The following NARS2 variants were observed in gnomAD, a reference collection of about 807,000 sequenced individuals.
NARS2 encodes the protein asparaginyl-tRNA synthetase 2, mitochondrial.
In NARS2, 60 loss-of-function variants were observed where a neutral mutation model predicts 62.9. The ratio of observed to expected loss-of-function variants is 0.95; its 90% CI spans 0.77 to 1.18. NARS2 has a LOEUF of 1.18. Ranked by LOEUF, NARS2 falls within the 50% of genes most tolerant of loss-of-function variation. The probability of loss-of-function intolerance (pLI) is 0.00; values close to 1 mark genes in which losing one functional copy is unlikely to be tolerated. For synonymous variants in NARS2, 196 were observed against 200.0 expected (o/e 0.98, Z 0.17); for missense variants, 619 against 576.4 (o/e 1.07, Z -0.76).
At chr11:78,548,986 C>T (rs923996252) in intron 5 of NARS2, among the ~76,000 whole-genome samples, 1 of 152,168 alleles carries the variant, frequency 6.6e-6, no homozygotes, top group Non-Finnish European at 1.5e-5. Context: ...CTCTACCCCC[C>T]AATTAGAGCC....
chr11:78,443,833 C>CT (rs1857658178), intron 11 of NARS2, 75 bp from the exon 12 acceptor site: 2 of 1,129,180 alleles, frequency 1.8e-6, no homozygotes, highest in Admixed American at 2.0e-5. Context: ...GCAAGTAAAC[C>CT]TTTAACATTT....
At chr11:78,483,988 T>C (rs1311326610) in intron 7 of NARS2, among the ~76,000 whole-genome samples, 1 of 152,160 alleles carries the variant, frequency 6.6e-6, no homozygotes, top group Non-Finnish European at 1.5e-5. Flanking sequence ...GATTTCAAAC[T>C]ATACTACAAG....
intron 4 of NARS2, among the ~76,000 whole-genome samples, chr11:78,564,959 C>T (rs1856694349): frequency 6.6e-6 from 1 of 152,148 alleles, no homozygotes; most frequent in Non-Finnish European, 1.5e-5. Flanking sequence ...GGATACAGCC[C>T]AAGGGAAGTC....
chr11:78,452,772 A>G (rs575263866), intron 11 of NARS2, among the ~76,000 whole-genome samples: 3 of 152,272 alleles, frequency 2.0e-5, no homozygotes, highest in Non-Finnish European at 4.4e-5. Flanking sequence ...CAGCCTTCCT[A>G]TATTACTCTT....
At chr11:78,528,012 A>G (rs1409512022) in intron 6 of NARS2, among the ~76,000 whole-genome samples, 1 of 152,270 alleles carries the variant, frequency 6.6e-6, no homozygotes, top group Non-Finnish European at 1.5e-5. Flanking sequence ...TGGGAGGCCT[A>G]AGGCAGGAAG....
chr11:78,558,841 T>G (rs1161374221), intron 5 of NARS2, among the ~76,000 whole-genome samples: 2 of 152,232 alleles, frequency 1.3e-5, no homozygotes, highest in Non-Finnish European at 2.9e-5. Flanking sequence ...TATTCACATG[T>G]ATACTCTTCT....
Position 78,528,926 on chromosome 11 carries a change from T to C in NARS2, c.605A>G (p.Lys202Arg), listed in dbSNP as rs1339831241. The change falls in exon 6 of 14, where the codon AAA (lysine) becomes AGA (arginine). Residue 202 changes from lysine to arginine, a missense_variant. Coordinates refer to ENST00000281038, the MANE Select transcript of NARS2 (RefSeq NM_024678.6). ...GAAATTCTCCTCAGGTACCTTAAGT[T>C]TGCCTGAAGGCTGCAAATCAAAAAC... is the stretch of plus-strand genomic sequence containing the variant. ...GELFQLEPSGKLKVPEENFFN... is the reference protein window; with the variant it reads ...GELFQLEPSGRLKVPEENFFN... The C allele has an allele frequency of 1.2e-6, 2 of 1,609,904 alleles. No individual in the cohort carries two copies. Among genetic ancestry groups the C allele is most frequent in the Non-Finnish European group, 1.7e-6 (2 of 1,177,122 alleles).
intron 7 of NARS2, among the ~76,000 whole-genome samples, chr11:78,490,205 G>A (rs1418235907): frequency 2.6e-5 from 4 of 152,140 alleles, no homozygotes; most frequent in Admixed American, 2.6e-4. Context: ...CAACTCTCAG[G>A]GAGTAACGTC....
chr11:78,520,653 G>T (rs1169687468), intron 6 of NARS2, among the ~76,000 whole-genome samples: 1 of 151,958 alleles, frequency 6.6e-6, no homozygotes, highest in Non-Finnish European at 1.5e-5. Flanking sequence ...GCTATATATG[G>T]GGTTTTGGTG....
intron 6 of NARS2, among the ~76,000 whole-genome samples, chr11:78,502,775 G>A (rs762569686): frequency 2.0e-5 from 3 of 152,090 alleles, no homozygotes; most frequent in Non-Finnish European, 1.5e-5. Context: ...TGAATCAGCT[G>A]AGGCTGTCAG....
intron 13 of NARS2, among the ~76,000 whole-genome samples, chr11:78,440,821 C>T (rs1857554458): frequency 1.3e-5 from 2 of 152,372 alleles, no homozygotes; most frequent in Admixed American, 6.5e-5. Flanking sequence ...GCGTGAGCCA[C>T]TGCGCCCAGC....
At chr11:78,504,443 T>TGG (rs1565243093) in intron 6 of NARS2, among the ~76,000 whole-genome samples, 1 of 151,678 alleles carries the variant, frequency 6.6e-6, no homozygotes, top group South Asian at 2.1e-4. Flanking sequence ...AGTTTTTTTT[T>TGG]TTTTTTTTTT....
rs143927566 is a variant in NARS2 at position 78,567,459 on chromosome 11, G to A, written c.372+1173C>T. Among the ~76,000 whole-genome samples the A allele has an allele frequency of 5.4e-3, 824 of 152,038 alleles. 13 individuals carry two copies. The highest frequency in any genetic ancestry group is 0.027 in the East Asian group (139 of 5,178). On this transcript the variant is annotated intron_variant, in intron 3 of 13. Coordinates refer to ENST00000281038, the MANE Select transcript of NARS2 (RefSeq NM_024678.6). ...TAGTATTTTGAGACCATAGTTCACC[G>A]TGGGCAACAAACCGTGAAAAGCAAA...
intron 5 of NARS2, among the ~76,000 whole-genome samples, chr11:78,552,651 A>G (rs1565278759): frequency 6.6e-6 from 1 of 152,176 alleles, no homozygotes; most frequent in South Asian, 2.1e-4. Flanking sequence ...CTCAGTAAGA[A>G]TGCAACCACT....
At position 78,536,819 on chromosome 11, in the gene NARS2, C is replaced by A. The variant is rs147477148; in HGVS notation, c.595-7883G>T. Among the ~76,000 whole-genome samples, 722 of 152,254 alleles carry A rather than the reference C, an allele frequency of 4.7e-3. 5 individuals carry two copies. Among genetic ancestry groups the A allele is most frequent in the African/African-American group, 0.016 (671 of 41,542 alleles). On this transcript the variant is annotated intron_variant, in intron 5 of 13. Transcript: ENST00000281038. ...TAGGCCTTCCTACTCACTTATAATT[C>A]ACTTACTGACTCATCCAGAGCAGCT...
At chr11:78,550,768 C>T (rs766424860) in intron 5 of NARS2, among the ~76,000 whole-genome samples, 7 of 152,114 alleles carry the variant, frequency 4.6e-5, no homozygotes, top group African/African-American at 1.4e-4. Flanking sequence ...TTCATCCACA[C>T]AAAAACTTTT....
intron 4 of NARS2, among the ~76,000 whole-genome samples, chr11:78,560,802 G>C (rs1279980312): frequency 6.6e-6 from 1 of 152,162 alleles, no homozygotes; most frequent in African/African-American, 2.4e-5. Flanking sequence ...GTGCTGCACA[G>C]AGCACATTAT....
At chr11:78,463,531 C>T (rs144794577) in intron 11 of NARS2, among the ~76,000 whole-genome samples, 28 of 151,980 alleles carry the variant, frequency 1.8e-4, no homozygotes, top group African/African-American at 6.0e-4. Flanking sequence ...ACTAAAAATA[C>T]AAAAATCTGA....
chr11:78,559,442 A>G (rs2135515669), intron 5 of NARS2, 97 bp downstream of exon 5: 2 of 806,108 alleles, frequency 2.5e-6, no homozygotes, highest in Non-Finnish European at 4.2e-6. Flanking sequence ...GGTGCTGCTC[A>G]TAGTCTTCTG....
Sources: gnomAD v4.1 joint callset for allele counts (sites outside exome capture counted in the v4.1 genomes callset) on GRCh38, gnomAD v4.1.1 for gene constraint, MANE v1.5 for transcripts, NCBI Gene and HGNC (gene_info 2026-07-23, HGNC 2026-07-21) for gene names.